Variants in EXOC1 observed in about 807,000 individuals in gnomAD.
EXOC1 encodes exocyst complex component 1.
A neutral mutation model predicts 107.7 loss-of-function variants in EXOC1; 67 were observed. That is an observed-to-expected ratio of 0.62 (90% CI 0.51 to 0.76). EXOC1 has a LOEUF of 0.76. Ranked by LOEUF, EXOC1 falls within the 30% of genes least tolerant of loss-of-function variation. The probability of loss-of-function intolerance (pLI) is 0.00; values close to 1 mark genes in which losing one functional copy is unlikely to be tolerated. For synonymous variants in EXOC1, 348 were observed against 353.5 expected (o/e 0.98, Z 0.17); for missense variants, 833 against 1,055.7 (o/e 0.79, Z 2.92).
intron 5 of EXOC1, among the ~76,000 whole-genome samples, chr4:55,869,367 A>G (rs1242225700): frequency 6.6e-6 from 1 of 152,194 alleles, no homozygotes; most frequent in African/African-American, 2.4e-5. Context: ...CTCTGTCTCA[A>G]AACAAAACAG....
At chr4:55,892,915 C>CT (rs1304628639) in intron 14 of EXOC1, among the ~76,000 whole-genome samples, 4 of 152,110 alleles carry the variant, frequency 2.6e-5, no homozygotes, top group African/African-American at 9.7e-5. Context: ...TGCTCCAGGA[C>CT]TTACAGAAGA....
Position 55,864,359 on chromosome 4 carries a change from G to T in EXOC1, c.388G>T (p.Val130Phe), listed in dbSNP as rs763460369. The T allele has an allele frequency of 1.2e-6, 2 of 1,609,102 alleles. No homozygotes were observed. Among genetic ancestry groups the T allele is most frequent in the East Asian group, 4.5e-5 (2 of 44,612 alleles). The change falls in exon 4 of 19, where the codon GTC becomes TTC. Residue 130 changes from valine to phenylalanine, a missense_variant. By Grantham distance (50) the Val-to-Phe change is conservative. Coordinates refer to ENST00000381295, the MANE Select transcript of EXOC1 (RefSeq NM_001024924.2). ...QRYLRKKIDF[V>F]NVSSQLLEES... ...ATATCTCCGGAAGAAAATTGATTTTGTCAATGTTAGCTCACAGCTTTTGGA... is the reference window on the plus strand; with the variant it reads ...ATATCTCCGGAAGAAAATTGATTTTTTCAATGTTAGCTCACAGCTTTTGGA...
intron 17 of EXOC1, among the ~76,000 whole-genome samples, chr4:55,901,903 CAA>C: frequency 6.6e-6 from 1 of 151,304 alleles, no homozygotes; most frequent in Non-Finnish European, 1.5e-5. Context: ...TACTTATATA[CAA>C]AAAAAATTTA....
intron 17 of EXOC1, among the ~76,000 whole-genome samples, chr4:55,901,358 T>TTTAA (rs145729266): frequency 0.04 from 6,114 of 152,216 alleles, 174 homozygotes; most frequent in Admixed American, 0.083. Flanking sequence ...AGAATGATAA[T>TTTAA]TTAATGAATA....
At chr4:55,898,781 T>C (rs892110197) in intron 16 of EXOC1, among the ~76,000 whole-genome samples, 23 of 152,204 alleles carry the variant, frequency 1.5e-4, no homozygotes, top group South Asian at 4.1e-4. Flanking sequence ...TTAATATAGA[T>C]AAACATAATC....
At chr4:55,879,953 GAT>G (rs1412955511) in intron 9 of EXOC1, among the ~76,000 whole-genome samples, 2 of 152,036 alleles carry the variant, frequency 1.3e-5, no homozygotes, top group Non-Finnish European at 2.9e-5. Flanking sequence ...TGGAAATAAT[GAT>G]ATGTTTTGTC....
Position 55,892,668 on chromosome 4 carries a change from T to C in EXOC1, c.1681T>C (p.Ser561Pro), listed in dbSNP as rs1302463629. 1.9e-6 allele frequency: 3 copies of C among 1,614,174 alleles called. No individual in the cohort carries two copies. Among genetic ancestry groups the C allele is most frequent in the South Asian group, 1.1e-5 (1 of 91,082 alleles). The change falls in exon 14 of 19, where the codon TCA becomes CCA. Residue 561 changes from serine to proline, a missense_variant. Physicochemically the swap from Ser to Pro is moderately conservative, Grantham distance 74 (BLOSUM62 -1). This residue lies in a region of EXOC1 where 617 missense variants were observed against 701.3 expected (regional missense o/e 0.88). Coordinates refer to ENST00000381295, the MANE Select transcript of EXOC1 (RefSeq NM_001024924.2). ...EAEDLDGGTL[S>P]RQHNCGTPLP... ...AGAGGACCTGGATGGAGGAACATTA[T>C]CACGGCAACATAATTGTGGCACACC...
At chr4:55,879,445 C>G (rs766259984) in intron 9 of EXOC1, among the ~76,000 whole-genome samples, 12 of 152,036 alleles carry the variant, frequency 7.9e-5, no homozygotes, top group Non-Finnish European at 1.5e-4. Context: ...GGTAGGAGCA[C>G]TGTGAGCCAG....
In EXOC1 at chr4:55,902,447, A is replaced by G; in HGVS notation, c.2441A>G (p.Lys814Arg). ...AAACAAGAACTTCGTAAAGTCATTA[A>G]GGAGTACCCTGGAAAGGAAGTAAAA... is the stretch of plus-strand genomic sequence containing the variant. ...FNKQELRKVI[K>R]EYPGKEVKKG... The change falls in exon 18 of 19, where the codon AAG (lysine) becomes AGG (arginine). Residue 814 changes from lysine to arginine, a missense_variant. Lys to Arg is a conservative substitution (Grantham distance 26, BLOSUM62 2). Around this residue, in one of 2 missense-constraint regions of EXOC1, gnomAD observed 216 missense variants for 354.4 expected, o/e 0.61. Coordinates refer to ENST00000381295, the MANE Select transcript of EXOC1 (RefSeq NM_001024924.2). 1.9e-6 allele frequency: 3 copies of G among 1,590,346 alleles called. No individual in the cohort carries two copies. Among genetic ancestry groups the G allele is most frequent in the Non-Finnish European group, 2.6e-6 (3 of 1,170,864 alleles).
intron 8 of EXOC1, 28 bp from the exon 9 acceptor site, chr4:55,877,889 A>G (rs763269584): frequency 3.1e-6 from 5 of 1,611,050 alleles, no homozygotes; most frequent in Non-Finnish European, 3.4e-6. Context: ...TGTTGATTAC[A>G]TTTATTTACT....
At chr4:55,882,996 A>G (rs1723550790) in intron 9 of EXOC1, 1 of 152,080 alleles carries the variant, frequency 6.6e-6, no homozygotes, top group Non-Finnish European at 1.5e-5. Context: ...ACTCTTCTGG[A>G]GAGTATATTT....
chr4:55,892,058 A>G (rs934052021), intron 13 of EXOC1, among the ~76,000 whole-genome samples: 4 of 152,206 alleles, frequency 2.6e-5, no homozygotes, highest in Non-Finnish European at 5.9e-5. Flanking sequence ...TTAAATTATC[A>G]TCTCAAAATT....
intron 1 of EXOC1, among the ~76,000 whole-genome samples, chr4:55,855,903 G>GT (rs1720920603): frequency 6.6e-6 from 1 of 152,134 alleles, no homozygotes. Flanking sequence ...AGGAGGAGAG[G>GT]TTGGGTGAAG....
At chr4:55,866,979 A>G (rs1722017557) in intron 4 of EXOC1, 1 of 680,216 alleles carries the variant, frequency 1.5e-6, no homozygotes, top group African/African-American at 2.0e-5. Flanking sequence ...TTATGAAATG[A>G]TGTACTGGGA....
chr4:55,861,491 G>A (rs1415460305), intron 3 of EXOC1, among the ~76,000 whole-genome samples: 2 of 152,124 alleles, frequency 1.3e-5, no homozygotes, highest in Admixed American at 6.6e-5. Flanking sequence ...AACCTCCAAG[G>A]ATCAAAAATC....
chr4:55,875,945 A>G (rs12640617), intron 8 of EXOC1: 26,743 of 934,906 alleles, frequency 0.029, 448 homozygotes, highest in Admixed American at 0.084. Context: ...ATTTGGAGAC[A>G]TTTATAGACC....
In EXOC1 at chr4:55,870,875, A is replaced by G. The variant is rs1560337742; in HGVS notation, c.801A>G (p.Val267=). 1 of 1,613,684 alleles carries G rather than the reference A, an allele frequency of 6.2e-7. No individual in the cohort carries two copies. Among genetic ancestry groups the G allele is most frequent in the Non-Finnish European group, 8.5e-7 (1 of 1,179,822 alleles). The change falls in exon 6 of 19, where the codon GTA becomes GTG. Residue 267 remains valine (V), a synonymous_variant. Transcript: ENST00000381295. ...HLIHLSNTNN[V]KLLSEIEFLV... ...TTCATCTTAGTAACACTAATAATGTAAAACTCCTATCTGAGATAGAGTTCC... is the reference window on the plus strand; with the variant it reads ...TTCATCTTAGTAACACTAATAATGTGAAACTCCTATCTGAGATAGAGTTCC...
At chr4:55,879,142 G>A (rs1723157057) in intron 9 of EXOC1, among the ~76,000 whole-genome samples, 1 of 152,194 alleles carries the variant, frequency 6.6e-6, no homozygotes, top group Non-Finnish European at 1.5e-5. Context: ...AATGAATTGA[G>A]CACCTATTAC....
chr4:55,873,457 T>G (rs1722624219), intron 8 of EXOC1, among the ~76,000 whole-genome samples: 1 of 152,200 alleles, frequency 6.6e-6, no homozygotes, highest in Non-Finnish European at 1.5e-5. Context: ...AAAATGACAC[T>G]GTTGACAATT....
Sources: gnomAD v4.1 joint callset for allele counts (sites outside exome capture counted in the v4.1 genomes callset) on GRCh38, gnomAD v4.1.1 for gene constraint, gnomAD v4.1.1 regional missense constraint, MANE v1.5 for transcripts, NCBI Gene and HGNC (gene_info 2026-07-23, HGNC 2026-07-21) for gene names.